LRRTM4: variants seen among roughly 807,000 people sequenced by gnomAD.
LRRTM4 encodes leucine rich repeat transmembrane neuronal 4, also known as leucine-rich repeat transmembrane neuronal protein 4.
A neutral mutation model predicts 47.6 loss-of-function variants in LRRTM4; 25 were observed. That is an observed-to-expected ratio of 0.53 (90% CI 0.38 to 0.73). The LOEUF (loss-of-function observed/expected upper bound fraction) is 0.73, where lower values mean the gene tolerates loss of function less well. Among genes scored for constraint, LRRTM4 ranks in the 30% least tolerant of loss-of-function variants. The probability of loss-of-function intolerance (pLI) is 0.00; values close to 1 mark genes in which losing one functional copy is unlikely to be tolerated. For synonymous variants in LRRTM4, 311 were observed against 269.5 expected, an observed-to-expected ratio of 1.15 and a Z score of -1.51; for missense variants, 638 against 713.4, an observed-to-expected ratio of 0.89 and a Z score of 1.20.
chr2:76,931,570 C>T (rs1360836054), intron 3 of LRRTM4, among the ~76,000 whole-genome samples: 4 of 152,118 alleles, frequency 2.6e-5, no homozygotes, highest in Admixed American at 1.3e-4. Flanking sequence ...CCTAGTTGTC[C>T]TCCTACTGAT....
intron 3 of LRRTM4, among the ~76,000 whole-genome samples, chr2:77,088,557 C>G (rs914012462): frequency 1.3e-5 from 2 of 151,446 alleles, no homozygotes; most frequent in Non-Finnish European, 1.5e-5. Context: ...CGGCCCCACC[C>G]CTATCTCCAT....
intron 3 of LRRTM4, among the ~76,000 whole-genome samples, chr2:77,431,803 C>T (rs754495866): frequency 2.0e-5 from 3 of 148,922 alleles, no homozygotes; most frequent in Non-Finnish European, 2.9e-5. Flanking sequence ...GGGCCAGGCA[C>T]GGTAGCTCAT....
chr2:76,792,425 T>G (rs984754047), intron 3 of LRRTM4, among the ~76,000 whole-genome samples: 1 of 152,178 alleles, frequency 6.6e-6, no homozygotes, highest in Non-Finnish European at 1.5e-5. Flanking sequence ...ACATCTTTCA[T>G]GCAAAACACT....
chr2:77,310,199 G>T (rs377732118), intron 3 of LRRTM4, among the ~76,000 whole-genome samples: 3 of 151,976 alleles, frequency 2.0e-5, no homozygotes, highest in East Asian at 3.9e-4. Flanking sequence ...GTATGTACGG[G>T]GAAGGACAAA....
chr2:77,092,694 G>T (rs1374930628), intron 3 of LRRTM4, among the ~76,000 whole-genome samples: 1 of 143,782 alleles, frequency 7.0e-6, no homozygotes, highest in African/African-American at 2.9e-5. Context: ...TTCCTACAGG[G>T]TCTGAGAAGG....
chr2:76,770,760 C>T lies in LRRTM4; in HGVS notation c.1552-21844G>A, dbSNP rs148503937. Among the ~76,000 whole-genome samples the T allele has an allele frequency of 3.0e-4, 46 of 152,244 alleles. No individual in the cohort carries two copies. The East Asian group carries it at 8.3e-3, about 27-fold the overall frequency. On this transcript the variant is annotated intron_variant, in intron 3 of 3. Coordinates refer to ENST00000409884, the MANE Select transcript of LRRTM4 (RefSeq NM_001134745.3). ...CAAAGTCACAGAAGGTCTTCTACCC[C>T]CCAGTAGTACAATTGAAACATCTGA...
intron 3 of LRRTM4, among the ~76,000 whole-genome samples, chr2:77,450,587 A>G (rs1380738527): frequency 6.6e-6 from 1 of 152,144 alleles, no homozygotes; most frequent in Non-Finnish European, 1.5e-5. Flanking sequence ...GGAGTTTGCA[A>G]CTACTATTGT....
At chr2:77,010,274 T>A (rs1677819593) in intron 3 of LRRTM4, among the ~76,000 whole-genome samples, 1 of 151,990 alleles carries the variant, frequency 6.6e-6, no homozygotes, top group Non-Finnish European at 1.5e-5. Context: ...GTTGTTTGAT[T>A]AATATCCTCC....
At chr2:77,078,193 A>G (rs1235615438) in intron 3 of LRRTM4, among the ~76,000 whole-genome samples, 5 of 152,208 alleles carry the variant, frequency 3.3e-5, no homozygotes, top group African/African-American at 4.8e-5. Context: ...CTGACATTTC[A>G]TTGAAAATTC....
chr2:77,421,954 G>A (rs1308726002), intron 3 of LRRTM4, among the ~76,000 whole-genome samples: 3 of 152,176 alleles, frequency 2.0e-5, no homozygotes, highest in Non-Finnish European at 2.9e-5. Context: ...GTTTAGGTAT[G>A]TTTAGATACA....
intron 3 of LRRTM4, among the ~76,000 whole-genome samples, chr2:77,349,588 A>C (rs528835913): frequency 2.2e-4 from 33 of 152,096 alleles, no homozygotes; most frequent in Non-Finnish European, 4.3e-4. Flanking sequence ...AGAATCTTAA[A>C]GTTTATAATA....
At chr2:77,490,475 T>C (rs1474301216) in intron 3 of LRRTM4, among the ~76,000 whole-genome samples, 1 of 152,058 alleles carries the variant, frequency 6.6e-6, no homozygotes, top group Non-Finnish European at 1.5e-5. Context: ...TACAGAGACT[T>C]AAGTTCCTCC....
At chr2:77,123,129 GA>G (rs1206536853) in intron 3 of LRRTM4, among the ~76,000 whole-genome samples, 1 of 150,608 alleles carries the variant, frequency 6.6e-6, no homozygotes, top group East Asian at 1.9e-4. Flanking sequence ...ATCATGAAAG[GA>G]AATAGATCAG....
At chr2:77,280,631 G>A (rs1545215) in intron 3 of LRRTM4, among the ~76,000 whole-genome samples, 17,726 of 151,778 alleles carry the variant, frequency 0.12, 2,090 homozygotes, top group African/African-American at 0.3. Flanking sequence ...GACTTTGCCC[G>A]TTACTATTCA....
intron 3 of LRRTM4, among the ~76,000 whole-genome samples, chr2:76,780,667 T>G (rs973948589): frequency 6.6e-6 from 1 of 152,178 alleles, no homozygotes; most frequent in Non-Finnish European, 1.5e-5. Flanking sequence ...CTTCTAAATT[T>G]TTTTCAAAGT....
At chr2:76,802,807 G>T (rs557964009) in intron 3 of LRRTM4, among the ~76,000 whole-genome samples, 10 of 152,198 alleles carry the variant, frequency 6.6e-5, no homozygotes, top group African/African-American at 1.9e-4. Flanking sequence ...CATATTTACA[G>T]TCAATTGGTT....
chr2:76,932,736 G>T (rs1017469148), intron 3 of LRRTM4, among the ~76,000 whole-genome samples: 1 of 151,890 alleles, frequency 6.6e-6, no homozygotes, highest in Admixed American at 6.6e-5. Flanking sequence ...ACACACATGT[G>T]TTCTCTCTAT....
chr2:77,409,818 A>C (rs1440668829), intron 3 of LRRTM4, among the ~76,000 whole-genome samples: 1 of 152,186 alleles, frequency 6.6e-6, no homozygotes, highest in Non-Finnish European at 1.5e-5. Flanking sequence ...CCCAGAATAG[A>C]AAATAACAAG....
At chr2:77,128,142 C>CAAAA (rs112254712) in intron 3 of LRRTM4, among the ~76,000 whole-genome samples, 69 of 142,990 alleles carry the variant, frequency 4.8e-4, no homozygotes, top group Non-Finnish European at 8.6e-4. Flanking sequence ...GACTCTGTCT[C>CAAAA]AAAAAAAAAA....
Sources: allele counts gnomAD v4.1 joint callset (sites outside exome capture counted in the v4.1 genomes callset), GRCh38; gene constraint gnomAD v4.1.1; transcripts MANE v1.5; gene names NCBI Gene and HGNC (gene_info 2026-07-23, HGNC 2026-07-21).